HIBCH: variants seen among roughly 807,000 people sequenced by gnomAD.
The protein encoded by HIBCH is 3-hydroxyisobutyryl-CoA hydrolase, mitochondrial.
Under a neutral mutation model 58.2 loss-of-function variants are expected in HIBCH, and 50 were observed. The observed-to-expected ratio is 0.86, with a 90% confidence interval of 0.68 to 1.09. The LOEUF is 1.09. Among genes scored for constraint, HIBCH ranks in the 50% least tolerant of loss-of-function variants. HIBCH has a pLI of 0.00. For synonymous variants in HIBCH, 151 were observed against 146.9 expected, an observed-to-expected ratio of 1.03 and a Z score of -0.20; for missense variants, 450 against 449.7, an observed-to-expected ratio of 1.00 and a Z score of -0.01.
intron 1 of HIBCH, among the ~76,000 whole-genome samples, chr2:190,311,300 T>C (rs930904850): frequency 3.3e-5 from 5 of 152,168 alleles, no homozygotes; most frequent in Non-Finnish European, 5.9e-5. Flanking sequence ...GGATGAACAG[T>C]TGAAACACAG....
intron 6 of HIBCH, among the ~76,000 whole-genome samples, chr2:190,277,247 G>A (rs1304222900): frequency 6.6e-6 from 1 of 152,026 alleles, no homozygotes; most frequent in Non-Finnish European, 1.5e-5. Flanking sequence ...TTATTTTACT[G>A]TATTTCAAAA....
intron 7 of HIBCH, among the ~76,000 whole-genome samples, chr2:190,256,024 G>C (rs983563384): frequency 4.6e-5 from 7 of 152,170 alleles, no homozygotes; most frequent in African/African-American, 1.7e-4. Flanking sequence ...TCACATGGTA[G>C]TAGGAGAAAA....
chr2:190,208,829 T>G, intron 13 of HIBCH, 51 bp downstream of exon 13: 1 of 1,515,740 alleles, frequency 6.6e-7, no homozygotes, highest in South Asian at 1.1e-5. Context: ...TAACAGCATA[T>G]GCTCACAAAT....
At chr2:190,292,476 T>G (rs1450611760) in intron 4 of HIBCH, among the ~76,000 whole-genome samples, 1 of 152,210 alleles carries the variant, frequency 6.6e-6, no homozygotes, top group East Asian at 1.9e-4. Flanking sequence ...AGCTAATTTT[T>G]CTTTTTTGTA....
At chr2:190,270,970 T>C (rs984522532) in intron 6 of HIBCH, among the ~76,000 whole-genome samples, 1 of 152,168 alleles carries the variant, frequency 6.6e-6, no homozygotes, top group Non-Finnish European at 1.5e-5. Flanking sequence ...ACAAAAATGA[T>C]ATTCAACAAC....
intron 1 of HIBCH, among the ~76,000 whole-genome samples, chr2:190,198,912 A>G (rs565432546): frequency 6.6e-6 from 1 of 152,346 alleles, no homozygotes; most frequent in East Asian, 1.9e-4. Flanking sequence ...TTGACCAAAC[A>G]TCAAACAAGG....
intron 11 of HIBCH, among the ~76,000 whole-genome samples, chr2:190,232,428 A>G (rs73055787): frequency 0.024 from 3,711 of 152,258 alleles, 158 homozygotes; most frequent in African/African-American, 0.085. Flanking sequence ...CCAGTCCCCA[A>G]TAAAAGTCCT....
rs1025870175 is a variant in HIBCH, at chr2:190,304,963, T to C, written c.78+5791A>G. Among the ~76,000 whole-genome samples, 3 of 85,430 alleles carry C rather than the reference T, an allele frequency of 3.5e-5. No homozygotes were observed. Among genetic ancestry groups the C allele is most frequent in the Non-Finnish European group, 5.5e-5 (2 of 36,178 alleles). 56.0% of individuals were successfully genotyped at this position (85,430 alleles called of 152,430 possible). A position where few individuals can be genotyped will look rare whatever the true frequency, so the allele number is the denominator to read the frequency against. ...TTGAAGCACAAAAAATCCTGGGTTCTAGCCTTAAGTCTCTCTAACTGTGTG... is the reference window on the plus strand; with the variant it reads ...TTGAAGCACAAAAAATCCTGGGTTCCAGCCTTAAGTCTCTCTAACTGTGTG... On this transcript the variant is annotated intron_variant, in intron 2 of 13. Coordinates refer to ENST00000359678, the MANE Select transcript of HIBCH (RefSeq NM_014362.4). This position sits in a 1 kb window ranked among gnomAD's most constrained non-coding sequence, Gnocchi z 4.1.
chr2:190,195,433 C>G (rs73053726), intron 1 of HIBCH, among the ~76,000 whole-genome samples: 1,720 of 152,348 alleles, frequency 0.011, 39 homozygotes, highest in African/African-American at 0.039. Flanking sequence ...ATTTTGCATT[C>G]TCACCAACAG....
chr2:190,288,961 A>G (rs1308043922), intron 5 of HIBCH, among the ~76,000 whole-genome samples: 2 of 152,044 alleles, frequency 1.3e-5, no homozygotes, highest in African/African-American at 4.8e-5. Flanking sequence ...AAATACAAAA[A>G]TTAGCAGGGT....
rs544657652 is a variant in HIBCH at position 190,216,655 on chromosome 2, G to A, written c.892-3580C>T. Among the ~76,000 whole-genome samples the A allele has an allele frequency of 6.6e-6, 1 of 152,302 alleles. No homozygotes were observed. The highest frequency in any genetic ancestry group is 2.1e-4 in the South Asian group (1 of 4,826). On this transcript the variant is annotated intron_variant, in intron 11 of 13. Transcript: ENST00000359678. The surrounding 1 kb of genome is among the most constrained non-coding windows in gnomAD (Gnocchi z 4.2). The stretch of plus-strand genomic sequence containing the variant: ...GGCCAGAATTCTTTTTATCTAAAAT[G>A]GGATTTTTAAATGCTGGTTATCAGT...
At position 190,236,634 on chromosome 2, in the gene HIBCH, C is replaced by T. The variant is rs926060263; in HGVS notation, c.891+8253G>A. Among the ~76,000 whole-genome samples, 1 of 152,138 alleles carries T rather than the reference C, an allele frequency of 6.6e-6. No individual in the cohort carries two copies. The highest frequency in any genetic ancestry group is 1.5e-5 in the Non-Finnish European group (1 of 68,010). On this transcript the variant is annotated intron_variant, in intron 11 of 13. Transcript: ENST00000359678. The surrounding 1 kb of genome is among the most constrained non-coding windows in gnomAD (Gnocchi z 4.1). ...TTCACCAATCTGAAATGTCATATTA[C>T]TATATAAAGACCAAAACAGACCTTC...
intron 4 of HIBCH, among the ~76,000 whole-genome samples, chr2:190,290,962 C>G (rs2966470): frequency 0.72 from 110,004 of 151,952 alleles, 40,305 homozygotes; most frequent in Non-Finnish European, 0.75. Context: ...AGTGAGCCAT[C>G]ATCACACCAC....
chr2:190,286,187 C>G (rs1687823135), intron 6 of HIBCH, among the ~76,000 whole-genome samples: 1 of 152,150 alleles, frequency 6.6e-6, no homozygotes, highest in South Asian at 2.1e-4. Context: ...CATCCTATAC[C>G]TGGAGGAAAG....
At chr2:190,252,655 T>G (rs1046169200) in intron 7 of HIBCH, among the ~76,000 whole-genome samples, 1 of 152,084 alleles carries the variant, frequency 6.6e-6, no homozygotes, top group Admixed American at 6.5e-5. Flanking sequence ...TTCAAAAAAA[T>G]TTATTTCCAA....
chr2:190,203,560 GACA>G (rs1375926742), downstream of HIBCH: 1 of 154,604 alleles, frequency 6.5e-6, no homozygotes, highest in African/African-American at 2.4e-5. Context: ...CAATATAAAA[GACA>G]ACATTTTCTG....
At chr2:190,247,461 C>G (rs1304964264) in intron 9 of HIBCH, among the ~76,000 whole-genome samples, 1 of 152,152 alleles carries the variant, frequency 6.6e-6, no homozygotes, top group Non-Finnish European at 1.5e-5. Flanking sequence ...CCACCAAGTA[C>G]TTGGTGGCCC....
chr2:190,195,381 T>C (rs1292602197), intron 1 of HIBCH, among the ~76,000 whole-genome samples: 2 of 148,754 alleles, frequency 1.3e-5, no homozygotes, highest in Non-Finnish European at 3.0e-5. Context: ...ATGTTTCACT[T>C]TCTAAGAAAC....
intron 13 of HIBCH, chr2:190,208,652 A>T: frequency 1.7e-6 from 1 of 575,556 alleles, no homozygotes; most frequent in Middle Eastern, 4.8e-4. Flanking sequence ...TTGGGATCAG[A>T]AGTGTTTCAG....
Sources: allele counts gnomAD v4.1 joint callset (sites outside exome capture counted in the v4.1 genomes callset), GRCh38; gene constraint gnomAD v4.1.1; non-coding constraint Gnocchi (gnomAD v3.1); transcripts MANE v1.5; gene names NCBI Gene and HGNC (gene_info 2026-07-23, HGNC 2026-07-21).